The following ZNF609 variants were observed in gnomAD, a reference collection of about 807,000 sequenced individuals.
ZNF609 encodes zinc finger protein 609.
A neutral mutation model predicts 109.5 loss-of-function variants in ZNF609; 11 were observed. That is an observed-to-expected ratio of 0.10 (90% CI 0.06 to 0.17). The LOEUF (loss-of-function observed/expected upper bound fraction) is 0.17, where lower values mean the gene tolerates loss of function less well. Among genes scored for constraint, ZNF609 ranks in the 10% least tolerant of loss-of-function variants. The pLI, the probability that ZNF609 is intolerant of heterozygous loss-of-function variation, is 1.00. For missense variants in ZNF609, 1,559 were observed against 1,772.4 expected (o/e 0.88, Z 2.16); for synonymous variants, 646 against 662.0 (o/e 0.98, Z 0.37).
At position 64,606,998 on chromosome 15, in the gene ZNF609, G is replaced by C. The variant is rs146408290; in HGVS notation, c.748-15829G>C. Among the ~76,000 whole-genome samples, 1,345 of 152,126 alleles carry C rather than the reference G, an allele frequency of 8.8e-3. 20 individuals are homozygous for C. The highest frequency in any genetic ancestry group is 0.031 in the African/African-American group (1,269 of 41,516). On this transcript the variant is annotated intron_variant, in intron 2 of 9. Coordinates refer to ENST00000326648, the MANE Select transcript of ZNF609 (RefSeq NM_015042.2). ...CGTCTCTATTAGAAATACAAAATTA[G>C]CCAGGCGTGGTGGCACATGCCTGTA...
intron 2 of ZNF609, among the ~76,000 whole-genome samples, chr15:64,574,147 G>A (rs1894908264): frequency 7.3e-6 from 1 of 136,228 alleles, no homozygotes; most frequent in Non-Finnish European, 1.6e-5. Flanking sequence ...CCTTTTTTGA[G>A]CTTTTATTTC....
chr15:64,514,962 C>T (rs1185138502), intron 2 of ZNF609, among the ~76,000 whole-genome samples: 2 of 151,938 alleles, frequency 1.3e-5, no homozygotes, highest in Non-Finnish European at 2.9e-5. Context: ...TTTAATCCTG[C>T]TTTAATTTTT....
At chr15:64,473,200 T>C (rs1428267643) in intron 1 of ZNF609, among the ~76,000 whole-genome samples, 1 of 139,976 alleles carries the variant, frequency 7.1e-6, no homozygotes, top group Non-Finnish European at 1.5e-5. Flanking sequence ...TCTTTTTTTT[T>C]TTTTTTTTTT....
At chr15:64,584,299 A>T (rs112395473) in intron 2 of ZNF609, among the ~76,000 whole-genome samples, 7,015 of 151,976 alleles carry the variant, frequency 0.046, 536 homozygotes, top group African/African-American at 0.16. Flanking sequence ...CTGTATTTTA[A>T]TTTATTTATT....
chr15:64,463,813 G>T (rs1378055499), intron 1 of ZNF609, among the ~76,000 whole-genome samples: 14 of 152,204 alleles, frequency 9.2e-5, no homozygotes, highest in Admixed American at 9.2e-4. Context: ...TGTGTCCTAG[G>T]AATATTTGAG....
At chr15:64,680,105 G>A in intron 6 of ZNF609, 80 bp from the exon 7 acceptor site, 1 of 1,476,988 alleles carries the variant, frequency 6.8e-7, no homozygotes, top group Non-Finnish European at 9.3e-7. Flanking sequence ...GAAAGCTGAT[G>A]CCCACCCAAT....
intron 3 of ZNF609, among the ~76,000 whole-genome samples, chr15:64,657,259 C>CA (rs35250526): frequency 6.0e-3 from 708 of 118,762 alleles, no homozygotes; most frequent in Non-Finnish European, 6.7e-3. Flanking sequence ...GACTGTGTCT[C>CA]AAAAAAAAAA....
intron 2 of ZNF609, among the ~76,000 whole-genome samples, chr15:64,524,478 T>C (rs988699347): frequency 2.6e-5 from 4 of 151,568 alleles, no homozygotes; most frequent in African/African-American, 9.7e-5. Flanking sequence ...GCAGGAGAAT[T>C]GCTTGAACCC....
intron 4 of ZNF609, among the ~76,000 whole-genome samples, chr15:64,671,817 G>T (rs888364079): frequency 6.6e-5 from 10 of 152,106 alleles, no homozygotes; most frequent in Non-Finnish European, 1.3e-4. Flanking sequence ...TTTAGGAAAA[G>T]TATCTTAAAC....
chr15:64,514,022 G>A (rs1479106429), intron 2 of ZNF609, among the ~76,000 whole-genome samples: 2 of 151,338 alleles, frequency 1.3e-5, no homozygotes, highest in Non-Finnish European at 2.9e-5. Context: ...AGCCCGGGAG[G>A]TCGAGGCTGC....
chr15:64,576,909 T>TATATATACATATAA (rs1213404721), intron 2 of ZNF609, among the ~76,000 whole-genome samples: 9 of 131,112 alleles, frequency 6.9e-5, no homozygotes, highest in African/African-American at 2.4e-4. Flanking sequence ...CATATATATG[T>TATATATACATATAA]ATATATACAT....
chr15:64,499,159 A>G (rs1007175951), intron 1 of ZNF609, 134 bp from the exon 2 acceptor site: 26 of 402,810 alleles, frequency 6.5e-5, no homozygotes, highest in Non-Finnish European at 1.1e-4. Context: ...TAGAAATACA[A>G]TTGAACCTGT....
chr15:64,574,092 C>T (rs1183197237), intron 2 of ZNF609, among the ~76,000 whole-genome samples: 1 of 151,828 alleles, frequency 6.6e-6, no homozygotes, highest in Admixed American at 6.6e-5. Context: ...TTAGGGGCCC[C>T]TGTTCACTGA....
intron 2 of ZNF609, among the ~76,000 whole-genome samples, chr15:64,620,796 A>C (rs76510707): frequency 0.011 from 1,712 of 152,320 alleles, 10 homozygotes; most frequent in South Asian, 0.029. Context: ...GTCAGAGCCA[A>C]CTGTGGAGAA....
intron 2 of ZNF609, chr15:64,502,814 C>T (rs963934510): frequency 6.6e-6 from 1 of 152,180 alleles, no homozygotes; most frequent in African/African-American, 2.4e-5. Context: ...TGCCTGTAAT[C>T]CCAGCACTTT....
At chr15:64,575,419 C>CAA (rs5813309) in intron 2 of ZNF609, among the ~76,000 whole-genome samples, 1 of 147,140 alleles carries the variant, frequency 6.8e-6, no homozygotes. Context: ...AACTCCATTT[C>CAA]AAAAAAAAAA....
rs57690590 is a variant in ZNF609, at chr15:64,580,955, C to CTT, written c.748-41845_748-41844dup. On this transcript the variant is annotated intron_variant, in intron 2 of 9. Transcript: ENST00000326648. The stretch of plus-strand genomic sequence containing the variant: ...TCTGTTTTCTAGTCTTCAATGTCTT[C>CTT]TTTTTTTTTTTTTTTTTTTTTTTTT... Among the ~76,000 whole-genome samples the CTT allele has an allele frequency of 4.3e-3, 255 of 58,742 alleles. 22 individuals are homozygous for CTT. Among genetic ancestry groups the CTT allele is most frequent in the African/African-American group, 0.018 (233 of 12,806 alleles). 38.5% of individuals were successfully genotyped at this position (58,742 alleles called of 152,430 possible).
chr15:64,489,970 C>T (rs1447686501), intron 1 of ZNF609, among the ~76,000 whole-genome samples: 1 of 150,622 alleles, frequency 6.6e-6, no homozygotes, highest in East Asian at 2.0e-4. Flanking sequence ...TTTTTATTTA[C>T]TTGTTTGAGA....
rs565496052 is a variant in ZNF609 at position 64,499,465 on chromosome 15, A to C, written c.46A>C (p.Asn16His). ...CTCCGGAGGGAAAGGAGTGGATGCA[A>C]ACCCGGTTGAGACATACGACAGTGG... ...GASGGKGVDANPVETYDSGDE... is the reference protein window; with the variant it reads ...GASGGKGVDAHPVETYDSGDE... Residue 16 changes from asparagine to histidine, a missense_variant, in exon 2 of 10, where the codon AAC (asparagine) becomes CAC (histidine). Transcript: ENST00000326648. 18 of 1,614,106 alleles carry C rather than the reference A, an allele frequency of 1.1e-5. No individual in the cohort carries two copies. In the South Asian group the frequency reaches 1.9e-4, roughly 17 times the overall value.
Sources: allele counts gnomAD v4.1 joint callset (sites outside exome capture counted in the v4.1 genomes callset), GRCh38; gene constraint gnomAD v4.1.1; transcripts MANE v1.5; gene names NCBI Gene and HGNC (gene_info 2026-07-23, HGNC 2026-07-21).